The following CACNA2D1 variants were observed in gnomAD, a reference collection of about 807,000 sequenced individuals.
CACNA2D1 encodes calcium voltage-gated channel auxiliary subunit alpha2delta 1, also known as voltage-dependent calcium channel subunit alpha-2/delta-1.
CACNA2D1 carries 53 observed loss-of-function variants against 171.5 expected under a neutral mutation model. That is an observed-to-expected ratio of 0.31 (90% CI 0.25 to 0.39). The LOEUF is 0.39. Among genes scored for constraint, CACNA2D1 ranks in the 10% least tolerant of loss-of-function variants. The probability of loss-of-function intolerance (pLI) is 1.00; values close to 1 mark genes in which losing one functional copy is unlikely to be tolerated. For synonymous variants in CACNA2D1, 442 were observed against 443.1 expected, an observed-to-expected ratio of 1.00 and a Z score of 0.03; for missense variants, 903 against 1,299.8, an observed-to-expected ratio of 0.69 and a Z score of 4.69.
At chr7:82,101,432 C>T (rs1812668530) in intron 6 of CACNA2D1, among the ~76,000 whole-genome samples, 1 of 151,964 alleles carries the variant, frequency 6.6e-6, no homozygotes. Flanking sequence ...GTCAGTAAAA[C>T]GTTACATGAC....
Position 82,081,073 on chromosome 7 carries a change from C to T in CACNA2D1, c.658+3696G>A, listed in dbSNP as rs1809700116. Among the ~76,000 whole-genome samples the T allele has an allele frequency of 2.0e-5, 3 of 152,188 alleles. No individual in the cohort carries two copies. In the South Asian group the frequency reaches 6.2e-4, roughly 32 times the overall value. The stretch of plus-strand genomic sequence containing the variant: ...TTTAGGAGACCTACCTAGGTTCTCA[C>T]AGCTAGCAGGGAGAGCCTAGCCTGA... On this transcript the variant is annotated intron_variant, in intron 7 of 38. Coordinates refer to ENST00000356860, the MANE Select transcript of CACNA2D1 (RefSeq NM_000722.4).
Position 81,970,659 on chromosome 7 carries a change from T to C in CACNA2D1, c.2204+16A>G, listed in dbSNP as rs1267310222. The C allele has an allele frequency of 4.2e-6, 6 of 1,425,022 alleles. No homozygotes were observed. The Admixed American group carries it at 8.4e-5, about 20-fold the overall frequency. 88.3% of individuals were successfully genotyped at this position (1,425,022 alleles called of 1,614,324 possible). ...TTTGTAATGTACTTGTTTTTACAGA[T>C]GTTATTTGAACTTACTCTTTGGGAT... On this transcript the variant is annotated intron_variant, in intron 27 of 38. Coordinates refer to ENST00000356860, the MANE Select transcript of CACNA2D1 (RefSeq NM_000722.4).
intron 38 of CACNA2D1, among the ~76,000 whole-genome samples, chr7:81,958,445 A>C: frequency 6.6e-6 from 1 of 152,194 alleles, no homozygotes; most frequent in South Asian, 2.1e-4. Flanking sequence ...ATTTAAAATT[A>C]GTTAAAAAGA....
intron 7 of CACNA2D1, among the ~76,000 whole-genome samples, chr7:82,082,673 C>A (rs1179475650): frequency 6.6e-6 from 1 of 151,074 alleles, no homozygotes; most frequent in Non-Finnish European, 1.5e-5. Context: ...TTTAAACCGT[C>A]TTCTGCTTGA....
Position 81,959,757 on chromosome 7 carries a change from T to G in CACNA2D1, c.3039A>C (p.Pro1013=), listed in dbSNP as rs373348181. 106 of 1,612,854 alleles carry G rather than the reference T, an allele frequency of 6.6e-5. No individual in the cohort carries two copies. Among genetic ancestry groups the G allele is most frequent in the East Asian group, 2.0e-4 (9 of 44,842 alleles). ...CTTGTATGAGCAGTCGTGTGTCACA[T>G]GGACATGTCCCTTTGCTCTCAACCA... ...FIMVESKGTC[P]CDTRLLIQAE... The change falls in exon 37 of 39, where the codon CCA becomes CCC. Residue 1013 remains proline, a synonymous_variant. Coordinates refer to ENST00000356860, the MANE Select transcript of CACNA2D1 (RefSeq NM_000722.4).
In CACNA2D1 at chr7:81,970,676, CT is replaced by C; in HGVS notation, c.2202del (p.Glu735ArgfsTer22). ...TDGGITRVYP[K>X]EAGENWQENP... The stretch of plus-strand genomic sequence containing the variant: ...TTTACAGATGTTATTTGAACTTACT[CT>C]TTGGGATAAACTCTGGTAATCCCAC... On this transcript the variant is annotated frameshift_variant and splice_region_variant, in exon 27 of 39. Coordinates refer to ENST00000356860, the MANE Select transcript of CACNA2D1 (RefSeq NM_000722.4). LOFTEE classifies it high-confidence loss of function. 6.5e-7 allele frequency: 1 copy of C among 1,549,622 alleles called. No homozygotes were observed. The highest frequency in any genetic ancestry group is 8.9e-7 in the Non-Finnish European group (1 of 1,121,730).
intron 7 of CACNA2D1, among the ~76,000 whole-genome samples, chr7:82,074,762 GAATTTT>G (rs1489919982): frequency 6.6e-6 from 1 of 151,896 alleles, no homozygotes; most frequent in Non-Finnish European, 1.5e-5. Context: ...AAATAATTTT[GAATTTT>G]AATTTTGTTT....
intron 1 of CACNA2D1, among the ~76,000 whole-genome samples, chr7:82,367,652 G>A (rs1821895006): frequency 6.6e-6 from 1 of 152,044 alleles, no homozygotes; most frequent in Non-Finnish European, 1.5e-5. Context: ...TTTGCACTGA[G>A]ATAAAATAGT....
At chr7:82,305,696 C>T (rs1585417239) in intron 3 of CACNA2D1, among the ~76,000 whole-genome samples, 1 of 152,168 alleles carries the variant, frequency 6.6e-6, no homozygotes, top group Admixed American at 6.5e-5. Context: ...TTCTATGATG[C>T]TCATGCACAT....
chr7:82,111,267 T>TAC (rs972839198), intron 6 of CACNA2D1, among the ~76,000 whole-genome samples: 6 of 137,666 alleles, frequency 4.4e-5, no homozygotes, highest in South Asian at 2.3e-4. Context: ...TATATATATA[T>TAC]ACACACACAT....
At chr7:82,372,221 C>T (rs1221733907) in intron 1 of CACNA2D1, among the ~76,000 whole-genome samples, 3 of 152,100 alleles carry the variant, frequency 2.0e-5, no homozygotes, top group Non-Finnish European at 4.4e-5. Context: ...TGGATATTAT[C>T]TTTGGTATGT....
At chr7:82,334,512 C>CT (rs1817749408) in intron 3 of CACNA2D1, among the ~76,000 whole-genome samples, 1 of 152,064 alleles carries the variant, frequency 6.6e-6, no homozygotes, top group African/African-American at 2.4e-5. Context: ...TGAATTAAAT[C>CT]TAAGTGCAAA....
intron 10 of CACNA2D1, among the ~76,000 whole-genome samples, chr7:82,056,490 T>G (rs924176778): frequency 6.6e-6 from 1 of 152,116 alleles, no homozygotes; most frequent in Non-Finnish European, 1.5e-5. Context: ...ATCATCCAGC[T>G]CTGTATGTGT....
chr7:82,163,128 G>C (rs929977607), intron 4 of CACNA2D1, among the ~76,000 whole-genome samples: 3 of 151,924 alleles, frequency 2.0e-5, no homozygotes, highest in Admixed American at 2.0e-4. Context: ...GATTTCCCTA[G>C]GGTTCTGTTC....
intron 3 of CACNA2D1, among the ~76,000 whole-genome samples, chr7:82,214,448 T>C (rs1800897894): frequency 6.6e-6 from 1 of 151,984 alleles, no homozygotes. Flanking sequence ...AGGTGGCTTT[T>C]TTTTTTTTTC....
intron 34 of CACNA2D1, 33 bp downstream of exon 34, chr7:81,964,023 T>A: frequency 6.3e-7 from 1 of 1,580,196 alleles, no homozygotes; most frequent in Non-Finnish European, 8.7e-7. Flanking sequence ...ACTTCTTTCT[T>A]TCATTACCAA....
Position 82,014,853 on chromosome 7 carries a change from AGACCAT to A in CACNA2D1, c.1144-380_1144-375del, listed in dbSNP as rs548326058. Among the ~76,000 whole-genome samples the A allele has an allele frequency of 5.6e-3, 849 of 152,286 alleles. 4 individuals carry two copies. Among genetic ancestry groups the A allele is most frequent in the South Asian group, 0.019 (93 of 4,814 alleles). ...CAGATCACCTGAGGTCAGGAGTTCGAGACCATCCTGGCTAACATGGTGAAACCCCGT... is the reference window on the plus strand; with the variant it reads ...CAGATCACCTGAGGTCAGGAGTTCGACCTGGCTAACATGGTGAAACCCCGT... On this transcript the variant is annotated intron_variant, in intron 12 of 38. Transcript: ENST00000356860.
intron 3 of CACNA2D1, among the ~76,000 whole-genome samples, chr7:82,271,801 T>A (rs1313994757): frequency 6.6e-6 from 1 of 152,064 alleles, no homozygotes; most frequent in African/African-American, 2.4e-5. Context: ...CATTTTCCTC[T>A]TTCCTGAATC....
At chr7:82,002,068 A>T (rs1257349124) in intron 18 of CACNA2D1, among the ~76,000 whole-genome samples, 1 of 150,824 alleles carries the variant, frequency 6.6e-6, no homozygotes, top group Non-Finnish European at 1.5e-5. Flanking sequence ...GAGAAATAAC[A>T]ATTTTCTCAA....
Sources: gnomAD v4.1 joint callset for allele counts (sites outside exome capture counted in the v4.1 genomes callset) on GRCh38, gnomAD v4.1.1 for gene constraint, MANE v1.5 for transcripts, NCBI Gene and HGNC (gene_info 2026-07-23, HGNC 2026-07-21) for gene names.